The following EFNA2 variants were observed in gnomAD, a reference collection of about 807,000 sequenced individuals.
EFNA2 encodes ephrin A2.
In EFNA2, 18 loss-of-function variants were observed where a neutral mutation model predicts 19.7. The observed-to-expected ratio is 0.91, with a 90% CI of 0.63 to 1.35. The LOEUF is 1.35. EFNA2 is among the 40% of genes most tolerant of loss of function. EFNA2 has a pLI of 0.00. For synonymous variants in EFNA2, 187 were observed against 137.8 expected (o/e 1.36, Z -2.50); for missense variants, 303 against 296.0 (o/e 1.02, Z -0.17).
chr19:1,298,784 C>T (rs189306828), intron 3 of EFNA2, among the ~76,000 whole-genome samples, 168 bp downstream of exon 3: 25 of 152,292 alleles, frequency 1.6e-4, no homozygotes, highest in Non-Finnish European at 2.5e-4. Context: ...GTCAGACCTT[C>T]GAGAGTGAAG....
In EFNA2 at chr19:1,295,563, G is replaced by A. The variant is rs772114137; in HGVS notation, c.159G>A (p.Gly53=). 3.8e-6 allele frequency: 6 copies of A among 1,596,176 alleles called. No individual in the cohort carries two copies. Among genetic ancestry groups the A allele is most frequent in the Non-Finnish European group, 5.1e-6 (6 of 1,170,714 alleles). Residue 53 remains glycine, a synonymous_variant, in exon 2 of 4, where the codon GGG becomes GGA. Transcript: ENST00000215368. The surrounding 1 kb of genome is among the most constrained non-coding windows in gnomAD (Gnocchi z 5.8). ...CCCGCAGGTTCCACGCAGGCGCGGG[G>A]GACGACGGCGGGGGCTACACGGTGG... ...RSNPRFHAGA[G]DDGGGYTVEV...
intron 3 of EFNA2, 117 bp downstream of exon 3, chr19:1,298,733 C>G: frequency 9.0e-7 from 1 of 1,106,480 alleles, no homozygotes. Flanking sequence ...CCTATCTTGC[C>G]CTGCCTTGCC....
intron 1 of EFNA2, among the ~76,000 whole-genome samples, chr19:1,291,223 G>A (rs935154736): frequency 4.6e-5 from 7 of 152,204 alleles, no homozygotes; most frequent in African/African-American, 9.6e-5. Context: ...CCACGGTGAC[G>A]GAAGCCCAGG....
upstream of EFNA2, among the ~76,000 whole-genome samples, chr19:1,285,833 G>A (rs1185911547): frequency 6.8e-6 from 1 of 147,816 alleles, no homozygotes; most frequent in Admixed American, 6.7e-5. The surrounding 1 kb of genome is among the most constrained non-coding windows in gnomAD (Gnocchi z 4.1). Context: ...GCGGGAGGGG[G>A]CGCCCGCGGC....
chr19:1,298,072 CAAAAAAAAAAAAA>C (rs58897953), intron 2 of EFNA2, among the ~76,000 whole-genome samples: 6 of 49,846 alleles, frequency 1.2e-4, no homozygotes, highest in Admixed American at 2.8e-4. Context: ...AGCTCCATCA[CAAAAAAAAAAAAA>C]AAAAAAAAAA....
At position 1,295,807 on chromosome 19, in the gene EFNA2, C is replaced by T; in HGVS notation, c.403C>T (p.Pro135Ser). 1 of 1,608,112 alleles carries T rather than the reference C, an allele frequency of 6.2e-7. No individual in the cohort carries two copies. Among genetic ancestry groups the T allele is most frequent in the Non-Finnish European group, 8.5e-7 (1 of 1,178,424 alleles). ...CTCGGAGAAGTTCCAGCTCTTCACG[C>T]CCTTCTCCCTGGGCTTCGAGTTCCG... is the stretch of plus-strand genomic sequence containing the variant. ...KFSEKFQLFT[P>S]FSLGFEFRPG... Residue 135 changes from proline to serine, a missense_variant, in exon 2 of 4, where the codon CCC becomes TCC. Coordinates refer to ENST00000215368, the MANE Select transcript of EFNA2 (RefSeq NM_001405.4). The surrounding 1 kb of genome is among the most constrained non-coding windows in gnomAD (Gnocchi z 5.8).
intron 2 of EFNA2, 137 bp from the exon 3 acceptor site, chr19:1,298,414 T>G (rs2081525563): frequency 5.4e-6 from 4 of 740,226 alleles, no homozygotes; most frequent in South Asian, 1.7e-5. Context: ...GGCTTTGATG[T>G]ACGATTAGGA....
rs1243999689 is a variant in EFNA2 at position 1,295,359 on chromosome 19, G to C, written c.141-186G>C. On this transcript the variant is annotated intron_variant, in intron 1 of 3. Transcript: ENST00000215368. The surrounding 1 kb of genome is among the most constrained non-coding windows in gnomAD (Gnocchi z 5.8). ...ACACTGACCCGTGCCCCATGCACCT[G>C]TCCCCTGACCCTGTCCCCCCTGGCG... is the stretch of plus-strand genomic sequence containing the variant. Among the ~76,000 whole-genome samples, 1 of 144,900 alleles carries C rather than the reference G, an allele frequency of 6.9e-6. No homozygotes were observed. The highest frequency in any genetic ancestry group is 1.5e-5 in the Non-Finnish European group (1 of 66,336).
At chr19:1,292,250 C>T (rs1030183514) in intron 1 of EFNA2, among the ~76,000 whole-genome samples, 8 of 152,240 alleles carry the variant, frequency 5.3e-5, no homozygotes, top group Non-Finnish European at 8.8e-5. Context: ...ACAGCAAGGC[C>T]GCTGCTATTT....
chr19:1,286,695 C>T lies in EFNA2; in HGVS notation c.140+387C>T, dbSNP rs2081466707. ...CTTCTCTGGGGAGCCCCCTCGGTTT[C>T]GCATTTGGTGGGGATCCCCGGGGAC... On this transcript the variant is annotated intron_variant, in intron 1 of 3. Transcript: ENST00000215368. The surrounding 1 kb of genome is among the most constrained non-coding windows in gnomAD (Gnocchi z 5.6). 6.6e-6 allele frequency among the ~76,000 whole-genome samples: 1 copy of T among 152,138 alleles called. No individual in the cohort carries two copies.
At chr19:1,293,704 C>T (rs2081501741) in intron 1 of EFNA2, among the ~76,000 whole-genome samples, 1 of 152,262 alleles carries the variant, frequency 6.6e-6, no homozygotes, top group Non-Finnish European at 1.5e-5. Context: ...CTCTCTGTCC[C>T]TGGACGAATC....
chr19:1,298,565 A>C lies in EFNA2; in HGVS notation c.469A>C (p.Asn157His). 6.2e-7 allele frequency: 1 copy of C among 1,613,970 alleles called. No individual in the cohort carries two copies. Among genetic ancestry groups the C allele is most frequent in the Non-Finnish European group, 8.5e-7 (1 of 1,179,970 alleles). ...EYYYISATPP[N>H]AVDRPCLRLK... is the part of the protein sequence containing the mutation. ...CTCTCTTCTAGCTGCCACGCCTCCC[A>C]ATGCTGTGGACCGGCCCTGCCTGCG... The change falls in exon 3 of 4, where the codon AAT becomes CAT. Residue 157 changes from asparagine (N) to histidine (H), a missense_variant. Transcript: ENST00000215368.
chr19:1,299,795 G>A, intron 3 of EFNA2, 29 bp from the exon 4 acceptor site: 3 of 1,577,912 alleles, frequency 1.9e-6, no homozygotes, highest in East Asian at 4.6e-5. Flanking sequence ...TCGGGCGGCC[G>A]CTGAGCGTGC....
At chr19:1,299,165 G>T (rs2081528976) in intron 3 of EFNA2, among the ~76,000 whole-genome samples, 1 of 152,182 alleles carries the variant, frequency 6.6e-6, no homozygotes, top group East Asian at 1.9e-4. Flanking sequence ...TTGAACCCGG[G>T]AAGTGGAGGT....
rs2081508115 is a variant in EFNA2, at chr19:1,295,175, T to C, written c.141-370T>C. Among the ~76,000 whole-genome samples, 1 of 152,078 alleles carries C rather than the reference T, an allele frequency of 6.6e-6. No individual in the cohort carries two copies. The highest frequency in any genetic ancestry group is 2.1e-4 in the South Asian group (1 of 4,834). On this transcript the variant is annotated intron_variant, in intron 1 of 3. Coordinates refer to ENST00000215368, the MANE Select transcript of EFNA2 (RefSeq NM_001405.4). This position sits in a 1 kb window ranked among gnomAD's most constrained non-coding sequence, Gnocchi z 5.8. ...GTGTGCAACCCCACCTGCTGACCGC[T>C]ATCACCATTCAGGGCCCAGGCGGAG...
upstream of EFNA2, among the ~76,000 whole-genome samples, chr19:1,285,268 C>G (rs548488129): frequency 6.6e-6 from 1 of 152,214 alleles, no homozygotes; most frequent in East Asian, 1.9e-4. This position sits in a 1 kb window ranked among gnomAD's most constrained non-coding sequence, Gnocchi z 4.1. Context: ...GATTTGCTGT[C>G]GGCCGGGGCT....
intron 2 of EFNA2, 112 bp from the exon 3 acceptor site, chr19:1,298,439 T>C: frequency 9.5e-7 from 1 of 1,052,268 alleles, no homozygotes. Context: ...TAAGGGTGGC[T>C]CTCCACCTGG....
At position 1,299,858 on chromosome 19, in the gene EFNA2, C is replaced by A; in HGVS notation, c.555C>A (p.Phe185Leu). The A allele has an allele frequency of 6.2e-7, 1 of 1,605,078 alleles. No individual in the cohort carries two copies. Among genetic ancestry groups the A allele is most frequent in the Admixed American group, 1.7e-5 (1 of 59,594 alleles). Residue 185 changes from phenylalanine (F) to leucine (L), a missense_variant, in exon 4 of 4, where the codon TTC (phenylalanine) becomes TTA (leucine). Transcript: ENST00000215368. ...ETLYEAPEPI[F>L]TSNNSCSSPG... ...TGTACGAGGCTCCTGAGCCCATCTT[C>A]ACCAGCAATAACTCGTGTAGCAGCC...
In EFNA2 at chr19:1,296,093, G is replaced by C. The variant is rs1337924530; in HGVS notation, c.454+235G>C. 2.0e-5 allele frequency among the ~76,000 whole-genome samples: 3 copies of C among 152,198 alleles called. No individual in the cohort carries two copies. Among genetic ancestry groups the C allele is most frequent in the Admixed American group, 2.0e-4 (3 of 15,288 alleles). ...CCGGTGCTGGCCACTGACCCACCCCGGTCACTGACCCCCTCCAGATGTCAA... is the reference window on the plus strand; with the variant it reads ...CCGGTGCTGGCCACTGACCCACCCCCGTCACTGACCCCCTCCAGATGTCAA... On this transcript the variant is annotated intron_variant, in intron 2 of 3. Transcript: ENST00000215368. This position sits in a 1 kb window ranked among gnomAD's most constrained non-coding sequence, Gnocchi z 4.4.
Sources: allele counts gnomAD v4.1 joint callset (sites outside exome capture counted in the v4.1 genomes callset), GRCh38; gene constraint gnomAD v4.1.1; non-coding constraint Gnocchi (gnomAD v3.1); transcripts MANE v1.5; gene names NCBI Gene and HGNC (gene_info 2026-07-23, HGNC 2026-07-21).